The following TBC1D9B variants were observed in gnomAD, a reference collection of about 807,000 sequenced individuals.
TBC1D9B encodes the protein TBC1 domain family, member 9B (with GRAM domain).
Under a neutral mutation model 121.1 loss-of-function variants are expected in TBC1D9B, and 87 were observed. That is an observed-to-expected ratio of 0.72 (90% CI 0.60 to 0.86). TBC1D9B has a LOEUF of 0.86. Among genes scored for constraint, TBC1D9B ranks in the 40% least tolerant of loss-of-function variants. TBC1D9B has a pLI of 0.00. For missense variants in TBC1D9B, 1,540 were observed against 1,628.6 expected, an observed-to-expected ratio of 0.95 and a Z score of 0.94; for synonymous variants, 668 against 670.1, an observed-to-expected ratio of 1.00 and a Z score of 0.05.
Position 179,885,960 on chromosome 5 carries a change from C to T in TBC1D9B, c.1254+2143G>A, listed in dbSNP as rs1170243024. Among the ~76,000 whole-genome samples, 1 of 152,210 alleles carries T rather than the reference C, an allele frequency of 6.6e-6. No homozygotes were observed. Among genetic ancestry groups the T allele is most frequent in the African/African-American group, 2.4e-5 (1 of 41,456 alleles). On this transcript the variant is annotated intron_variant, in intron 7 of 20. Transcript: ENST00000355235. The surrounding 1 kb of genome is among the most constrained non-coding windows in gnomAD (Gnocchi z 4.5). ...CTACACCTGGTCAGTCTCCTAAGCC[C>T]TGGTCCCAGAAGCCCGTGCCACATC...
rs922021125 is a variant in TBC1D9B at position 179,872,266 on chromosome 5, A to G, written c.2415+626T>C. On this transcript the variant is annotated intron_variant, in intron 14 of 20. Coordinates refer to ENST00000355235, the MANE Select transcript of TBC1D9B (RefSeq NM_015043.4). ...GCTCCCGTCATCTGGATCCCTGCAG[A>G]GACCCTGGTGCCAGCTCTGTGGAAG... The G allele has an allele frequency of 3.8e-5, 6 of 158,264 alleles. No individual in the cohort carries two copies. The South Asian group carries it at 1.1e-3, about 28-fold the overall frequency. The allele number at this position is 158,264 out of a possible 1,614,324, so 9.8% of individuals were successfully genotyped here.
rs758390842 is a variant in TBC1D9B at position 179,904,834 on chromosome 5, A to G, written c.119-22T>C. ...AGACCTGGGAACAGGGCAGAGAGAC[A>G]TAGAGGGTGAGGGGAGGGCCGGACT... On this transcript the variant is annotated intron_variant, in intron 1 of 20. Coordinates refer to ENST00000355235, the MANE Select transcript of TBC1D9B (RefSeq NM_015043.4). The surrounding 1 kb of genome is among the most constrained non-coding windows in gnomAD (Gnocchi z 4.2). 2.0e-5 allele frequency: 30 copies of G among 1,536,504 alleles called. No individual in the cohort carries two copies. Among genetic ancestry groups the G allele is most frequent in the Non-Finnish European group, 2.5e-5 (28 of 1,137,504 alleles).
rs993132085 is a variant in TBC1D9B at position 179,907,406 on chromosome 5, G to A, written c.118+298C>T. ...GCTGCACGGCCCCCGGGGCTCGCGG[G>A]CGCCGAATCCGGGCAGAAGCCGCCG... On this transcript the variant is annotated intron_variant, in intron 1 of 20. Transcript: ENST00000355235. The surrounding 1 kb of genome is among the most constrained non-coding windows in gnomAD (Gnocchi z 5.3). Among the ~76,000 whole-genome samples the A allele has an allele frequency of 6.6e-6, 1 of 151,612 alleles. No individual in the cohort carries two copies. Among genetic ancestry groups the A allele is most frequent in the African/African-American group, 2.4e-5 (1 of 41,408 alleles).
intron 3 of TBC1D9B, among the ~76,000 whole-genome samples, chr5:179,898,694 C>A (rs1306423280): frequency 6.6e-6 from 1 of 152,062 alleles, no homozygotes; most frequent in African/African-American, 2.4e-5. Context: ...GATGATCCAC[C>A]CACCTCGGCC....
chr5:179,873,013 G>A (rs1024562830), intron 13 of TBC1D9B, 23 bp from the exon 14 acceptor site: 1 of 1,613,900 alleles, frequency 6.2e-7, no homozygotes, highest in Non-Finnish European at 8.5e-7. Flanking sequence ...GTGACTTGGT[G>A]AGATCAAGCC....
chr5:179,864,041 C>T lies in TBC1D9B; in HGVS notation c.3109G>A (p.Val1037Met), dbSNP rs773712275. 1.1e-5 allele frequency: 18 copies of T among 1,613,610 alleles called. No individual in the cohort carries two copies. Among genetic ancestry groups the T allele is most frequent in the Middle Eastern group, 1.6e-4 (1 of 6,084 alleles). ...EQDLYHAIAT[V>M]ASLLLRIGEV... ...CCGATGCGGAGCAGGAGGCTGGCCA[C>T]GGTGGCGATGGCGTGGTACAGGTCC... Residue 1037 changes from valine (V) to methionine (M), a missense_variant, in exon 21 of 21, where the codon GTG (valine) becomes ATG (methionine). Coordinates refer to ENST00000355235, the MANE Select transcript of TBC1D9B (RefSeq NM_015043.4).
In TBC1D9B at chr5:179,907,896, G is replaced by GTGCGGAGCGGAGCT; in HGVS notation, c.-76_-75insAGCTCCGCTCCGCA. The stretch of plus-strand genomic sequence containing the variant: ...CGCCGTCGGCGTCCCGGAGCGGAGC[G>GTGCGGAGCGGAGCT]TGCGGAGCGGAGCGTGCGGAGCGGG... On this transcript the variant is annotated 5_prime_UTR_variant, in exon 1 of 21. Coordinates refer to ENST00000355235, the MANE Select transcript of TBC1D9B (RefSeq NM_015043.4). The surrounding 1 kb of genome is among the most constrained non-coding windows in gnomAD (Gnocchi z 5.3). 1 of 864,336 alleles carries GTGCGGAGCGGAGCT rather than the reference G, an allele frequency of 1.2e-6. No homozygotes were observed. The highest frequency in any genetic ancestry group is 1.4e-6 in the Non-Finnish European group (1 of 726,870). The allele number at this position is 864,336 out of a possible 1,614,324, so 53.5% of individuals were successfully genotyped here.
At position 179,870,978 on chromosome 5, in the gene TBC1D9B, T is replaced by G. The variant is rs376374210; in HGVS notation, c.2485-483A>C. On this transcript the variant is annotated intron_variant, in intron 15 of 20. Coordinates refer to ENST00000355235, the MANE Select transcript of TBC1D9B (RefSeq NM_015043.4). ...GCAGATTCCAACCATTAAGGCTGGG[T>G]CTTTTGCTAAAAGCACAAGGGAAAG... 4.4e-3 allele frequency among the ~76,000 whole-genome samples: 664 copies of G among 152,280 alleles called. 6 individuals are homozygous for G. The highest frequency in any genetic ancestry group is 0.015 in the African/African-American group (630 of 41,562).
In TBC1D9B at chr5:179,865,338, C is replaced by T. The variant is rs756670247; in HGVS notation, c.2937G>A (p.Pro979=). 8 of 1,613,876 alleles carry T rather than the reference C, an allele frequency of 5.0e-6. No homozygotes were observed. Among genetic ancestry groups the T allele is most frequent in the East Asian group, 4.5e-5 (2 of 44,888 alleles). The change falls in exon 20 of 21, where the codon CCG becomes CCA. Residue 979 remains proline (P), a synonymous_variant. Coordinates refer to ENST00000355235, the MANE Select transcript of TBC1D9B (RefSeq NM_015043.4). This position sits in a 1 kb window ranked among gnomAD's most constrained non-coding sequence, Gnocchi z 5.1. ...ERGEEKGTSS[P]DYRHYLRMWA... ...ACATTCGAAGGTAGTGCCGATAGTCCGGAGAGCTGGTCCCCTTCTCCTCTG... is the reference window on the plus strand; with the variant it reads ...ACATTCGAAGGTAGTGCCGATAGTCTGGAGAGCTGGTCCCCTTCTCCTCTG...
In TBC1D9B at chr5:179,875,718, A is replaced by C. The variant is rs1048303385; in HGVS notation, c.1900+202T>G. ...AGTTTTGATGTTTGAAATTTTCCATAATCAAAAAGTTGACAGGAAGTTAGA... is the reference window on the plus strand; with the variant it reads ...AGTTTTGATGTTTGAAATTTTCCATCATCAAAAAGTTGACAGGAAGTTAGA... On this transcript the variant is annotated intron_variant, in intron 11 of 20. Transcript: ENST00000355235. This position sits in a 1 kb window ranked among gnomAD's most constrained non-coding sequence, Gnocchi z 4.5. Among the ~76,000 whole-genome samples, 1 of 152,224 alleles carries C rather than the reference A, an allele frequency of 6.6e-6. No homozygotes were observed. Among genetic ancestry groups the C allele is most frequent in the African/African-American group, 2.4e-5 (1 of 41,454 alleles).
At chr5:179,866,529 CGCTG>C (rs1341385646) in intron 18 of TBC1D9B, 1 of 152,342 alleles carries the variant, frequency 6.6e-6, no homozygotes, top group Non-Finnish European at 1.5e-5. Context: ...GAGCTGCTCT[CGCTG>C]GCTGTCTGGT....
chr5:179,886,698 G>A (rs1015224330), intron 7 of TBC1D9B, among the ~76,000 whole-genome samples: 5 of 152,220 alleles, frequency 3.3e-5, no homozygotes, highest in African/African-American at 9.6e-5. Flanking sequence ...CAGCTCCCAC[G>A]CCCGCTGCCC....
rs1055854960 is a variant in TBC1D9B, at chr5:179,904,457, C to T, written c.229+245G>A. 6.6e-6 allele frequency among the ~76,000 whole-genome samples: 1 copy of T among 152,102 alleles called. No homozygotes were observed. The highest frequency in any genetic ancestry group is 1.5e-5 in the Non-Finnish European group (1 of 68,010). On this transcript the variant is annotated intron_variant, in intron 2 of 20. Transcript: ENST00000355235. This position sits in a 1 kb window ranked among gnomAD's most constrained non-coding sequence, Gnocchi z 4.2. ...AGCCAGGATGGTCTCGATCTCCTGA[C>T]CTCGTGATCAGCCCGCCTCGGCCTC...
chr5:179,885,999 C>T lies in TBC1D9B; in HGVS notation c.1254+2104G>A, dbSNP rs1044475731. On this transcript the variant is annotated intron_variant, in intron 7 of 20. Transcript: ENST00000355235. This position sits in a 1 kb window ranked among gnomAD's most constrained non-coding sequence, Gnocchi z 4.5. Reference sequence around the variant, plus strand: ...CCGTGCCACATCCAATCCTGTCTCCCAGCTTGCTGTGCTCTCTGCCTCCAA... The same window carrying T: ...CCGTGCCACATCCAATCCTGTCTCCTAGCTTGCTGTGCTCTCTGCCTCCAA... Among the ~76,000 whole-genome samples the T allele has an allele frequency of 2.6e-5, 4 of 152,248 alleles. No homozygotes were observed. The highest frequency in any genetic ancestry group is 9.6e-5 in the African/African-American group (4 of 41,464).
chr5:179,889,871 CAA>C (rs397883158), intron 6 of TBC1D9B, among the ~76,000 whole-genome samples: 843 of 48,930 alleles, frequency 0.017, no homozygotes, highest in Middle Eastern at 0.033. Context: ...GACCCTGTCT[CAA>C]AAAAAAAAAA....
At chr5:179,897,943 T>C (rs1414138219) in intron 3 of TBC1D9B, among the ~76,000 whole-genome samples, 1 of 152,158 alleles carries the variant, frequency 6.6e-6, no homozygotes, top group Non-Finnish European at 1.5e-5. Flanking sequence ...CAAAGCAACT[T>C]TGCACCACAC....
At chr5:179,869,157 G>A (rs928262311) in intron 17 of TBC1D9B, 1 of 181,814 alleles carries the variant, frequency 5.5e-6, no homozygotes, top group Non-Finnish European at 1.2e-5. Context: ...CAGGGACCTG[G>A]GGCAGGTCCA....
Position 179,875,583 on chromosome 5 carries a change from T to C in TBC1D9B, c.1900+337A>G, listed in dbSNP as rs557068992. Among the ~76,000 whole-genome samples, 1 of 152,272 alleles carries C rather than the reference T, an allele frequency of 6.6e-6. No homozygotes were observed. Among genetic ancestry groups the C allele is most frequent in the South Asian group, 2.1e-4 (1 of 4,828 alleles). On this transcript the variant is annotated intron_variant, in intron 11 of 20. Coordinates refer to ENST00000355235, the MANE Select transcript of TBC1D9B (RefSeq NM_015043.4). The surrounding 1 kb of genome is among the most constrained non-coding windows in gnomAD (Gnocchi z 4.5). ...AAGGACAGGATAACATGCTTAAATA[T>C]GAACCTAATTAAACACTCTTGCAAG...
intron 10 of TBC1D9B, among the ~76,000 whole-genome samples, chr5:179,876,739 T>C (rs1359227266): frequency 1.3e-5 from 2 of 152,234 alleles, no homozygotes; most frequent in East Asian, 3.9e-4. Flanking sequence ...TATAAAATGG[T>C]GCAGCTGCTG....
Sources: allele counts gnomAD v4.1 joint callset (sites outside exome capture counted in the v4.1 genomes callset), GRCh38; gene constraint gnomAD v4.1.1; non-coding constraint Gnocchi (gnomAD v3.1); transcripts MANE v1.5; gene names NCBI Gene and HGNC (gene_info 2026-07-23, HGNC 2026-07-21).